ANTXR1: variants seen among roughly 807,000 people sequenced by gnomAD.
ANTXR1 encodes the protein anthrax toxin receptor 1.
In ANTXR1, 19 loss-of-function variants were observed where a neutral mutation model predicts 78.1. The ratio of observed to expected loss-of-function variants is 0.24; its 90% CI spans 0.17 to 0.36. The LOEUF is 0.36. Among genes scored for constraint, ANTXR1 ranks in the 10% least tolerant of loss-of-function variants. The pLI, the probability that ANTXR1 is intolerant of heterozygous loss-of-function variation, is 1.00. For synonymous variants in ANTXR1, 273 were observed against 260.5 expected (o/e 1.05, Z -0.46); for missense variants, 518 against 718.6 (o/e 0.72, Z 3.19).
intron 17 of ANTXR1, among the ~76,000 whole-genome samples, chr2:69,241,849 GGCACTGTTCCAA>G (rs1675902447): frequency 6.6e-6 from 1 of 152,128 alleles, no homozygotes; most frequent in Non-Finnish European, 1.5e-5. Flanking sequence ...CAATGCGCCA[GGCACTGTTCCAA>G]GCCCTTCATA....
chr2:69,206,495 T>C (rs896039003), intron 17 of ANTXR1, among the ~76,000 whole-genome samples: 1 of 152,212 alleles, frequency 6.6e-6, no homozygotes, highest in Non-Finnish European at 1.5e-5. Flanking sequence ...ATTTTCCTTC[T>C]TTCTCTAACA....
intron 14 of ANTXR1, among the ~76,000 whole-genome samples, chr2:69,170,573 C>A (rs1271532155): frequency 6.6e-6 from 1 of 152,206 alleles, no homozygotes; most frequent in Non-Finnish European, 1.5e-5. Flanking sequence ...TTTATCAGTA[C>A]AGTTATTTGG....
intron 13 of ANTXR1, among the ~76,000 whole-genome samples, chr2:69,168,506 C>T (rs1370597347): frequency 1.3e-5 from 2 of 152,150 alleles, no homozygotes; most frequent in Non-Finnish European, 2.9e-5. Context: ...AGCACCAAAC[C>T]TCTTCACACC....
rs933643295 is a variant in ANTXR1 at position 69,193,459 on chromosome 2, TCACATACACA to T, written c.1434+49_1434+58del. 9.0e-4 allele frequency: 939 copies of T among 1,044,860 alleles called. 4 individuals are homozygous for T. In the African/African-American group the frequency reaches 0.014, roughly 16 times the overall value. The allele number at this position is 1,044,860 out of a possible 1,614,324, so 64.7% of individuals were successfully genotyped here. On this transcript the variant is annotated intron_variant, in intron 17 of 17. Coordinates refer to ENST00000303714, the MANE Select transcript of ANTXR1 (RefSeq NM_032208.3). The stretch of plus-strand genomic sequence containing the variant: ...TTAATGGTGTCTCTCTCTCTCTCTC[TCACATACACA>T]CACACACACACACACACACACATAT...
At position 69,231,514 on chromosome 2, in the gene ANTXR1, CTTGT is replaced by C. The variant is rs1675596342; in HGVS notation, c.1435-13708_1435-13705del. Among the ~76,000 whole-genome samples the C allele has an allele frequency of 3.3e-5, 5 of 152,334 alleles. No homozygotes were observed. The South Asian group carries it at 1.0e-3, about 32-fold the overall frequency. ...CACTAGGCAAAGAGATGAGTTGCTT[CTTGT>C]TTCAGTATTATTCCATAACAAACCA... On this transcript the variant is annotated intron_variant, in intron 17 of 17. Coordinates refer to ENST00000303714, the MANE Select transcript of ANTXR1 (RefSeq NM_032208.3).
chr2:69,080,600 C>G (rs1030634113), intron 8 of ANTXR1, among the ~76,000 whole-genome samples: 1 of 152,096 alleles, frequency 6.6e-6, no homozygotes, highest in Non-Finnish European at 1.5e-5. Context: ...ACAACTAAAG[C>G]AGGTAGAGGC....
rs142621609 is a variant in ANTXR1, at chr2:69,117,147, G to C, written c.803-5870G>C. On this transcript the variant is annotated intron_variant, in intron 10 of 17. Transcript: ENST00000303714. The stretch of plus-strand genomic sequence containing the variant: ...CCCCTCTCCTGGAAGGCAAGCTCCT[G>C]TTGGTATCCAGCCTTGCCCATTGAA... Among the ~76,000 whole-genome samples, 259 of 152,346 alleles carry C rather than the reference G, an allele frequency of 1.7e-3. 3 individuals carry two copies. Among genetic ancestry groups the C allele is most frequent in the African/African-American group, 6.1e-3 (252 of 41,578 alleles).
chr2:69,247,933 T>C lies in ANTXR1; in HGVS notation c.*2448T>C, dbSNP rs1196884625. 6.5e-6 allele frequency: 1 copy of C among 153,008 alleles called. No homozygotes were observed. The highest frequency in any genetic ancestry group is 6.5e-5 in the Admixed American group (1 of 15,282). 9.5% of individuals were successfully genotyped at this position (153,008 alleles called of 1,614,324 possible). A position where few individuals can be genotyped will look rare whatever the true frequency, so the allele number is the denominator to read the frequency against. Reference sequence around the variant, plus strand: ...ATAGGGAACTGCAAATGTATGATGATTTTGAAAAGGCTCAGCAGGATTTGT... The same window carrying C: ...ATAGGGAACTGCAAATGTATGATGACTTTGAAAAGGCTCAGCAGGATTTGT... On this transcript the variant is annotated 3_prime_UTR_variant, in exon 18 of 18. Coordinates refer to ENST00000303714, the MANE Select transcript of ANTXR1 (RefSeq NM_032208.3).
intron 12 of ANTXR1, chr2:69,145,761 A>G (rs1035490937): frequency 9.8e-7 from 1 of 1,021,186 alleles, no homozygotes; most frequent in African/African-American, 1.7e-5. Flanking sequence ...ACAAAAGAAA[A>G]CAGAAAGGAG....
In ANTXR1 at chr2:69,090,851, C is replaced by T. The variant is rs779957944; in HGVS notation, c.643-8C>T. The T allele has an allele frequency of 2.5e-6, 4 of 1,612,694 alleles. No individual in the cohort carries two copies. In the African/African-American group the frequency reaches 4.0e-5, roughly 16 times the overall value. On this transcript the variant is annotated splice_region_variant and splice_polypyrimidine_tract_variant and intron_variant, in intron 8 of 17. Transcript: ENST00000303714. ...GTGCATTGACTCTTTTATTTCCGCT[C>T]CTCCTAGATTTTGAAGAAGTCCTGC...
intron 3 of ANTXR1, among the ~76,000 whole-genome samples, chr2:69,051,097 C>T (rs1349176460): frequency 1.3e-5 from 2 of 151,930 alleles, no homozygotes; most frequent in Admixed American, 6.6e-5. Context: ...ACCAGCCTGG[C>T]CAACATGGTG....
At chr2:69,170,199 G>A (rs375318373) in intron 13 of ANTXR1, 49 bp from the exon 14 acceptor site, 2 of 1,608,030 alleles carry the variant, frequency 1.2e-6, no homozygotes, top group Non-Finnish European at 1.7e-6. Context: ...CTCTTAGGAG[G>A]CAGGTAGCCA....
chr2:69,082,023 G>A (rs1670913323), intron 8 of ANTXR1, among the ~76,000 whole-genome samples: 1 of 152,226 alleles, frequency 6.6e-6, no homozygotes, highest in African/African-American at 2.4e-5. Context: ...CGATGTGAAT[G>A]CCCACTGTGT....
intron 3 of ANTXR1, among the ~76,000 whole-genome samples, chr2:69,047,690 T>C (rs1300870500): frequency 1.3e-5 from 2 of 152,178 alleles, no homozygotes; most frequent in Non-Finnish European, 2.9e-5. Flanking sequence ...TCTCTAGGTT[T>C]AAATTTTCCT....
intron 3 of ANTXR1, among the ~76,000 whole-genome samples, chr2:69,067,584 C>T (rs929887708): frequency 1.3e-5 from 2 of 151,970 alleles, no homozygotes; most frequent in South Asian, 2.1e-4. Context: ...AATGCCCAAG[C>T]GTCTCTCACC....
At chr2:69,124,365 C>A (rs529935827) in intron 11 of ANTXR1, among the ~76,000 whole-genome samples, 200 bp from the exon 12 acceptor site, 1 of 152,326 alleles carries the variant, frequency 6.6e-6, no homozygotes, top group South Asian at 2.1e-4. Context: ...CTTCTCTAAA[C>A]TTTAAAGGAG....
At chr2:69,138,819 A>G (rs541506251) in intron 12 of ANTXR1, among the ~76,000 whole-genome samples, 1 of 152,180 alleles carries the variant, frequency 6.6e-6, no homozygotes, top group Non-Finnish European at 1.5e-5. Context: ...TTTCAACACA[A>G]CCCAGCATCA....
intron 17 of ANTXR1, among the ~76,000 whole-genome samples, chr2:69,210,586 G>A (rs186134029): frequency 6.6e-6 from 1 of 152,312 alleles, no homozygotes; most frequent in East Asian, 1.9e-4. Flanking sequence ...GCACCCTGCA[G>A]CACAGCATAG....
intron 1 of ANTXR1, among the ~76,000 whole-genome samples, chr2:69,038,828 T>G (rs2104065286): frequency 6.6e-6 from 1 of 152,262 alleles, no homozygotes; most frequent in African/African-American, 2.4e-5. Context: ...GATATATCAT[T>G]TCTGGATATG....
Sources: gnomAD v4.1 joint callset for allele counts (sites outside exome capture counted in the v4.1 genomes callset) on GRCh38, gnomAD v4.1.1 for gene constraint, MANE v1.5 for transcripts, NCBI Gene and HGNC (gene_info 2026-07-23, HGNC 2026-07-21) for gene names.